The following RPS6KB2 variants were observed in gnomAD, a reference collection of about 807,000 sequenced individuals.
RPS6KB2 encodes ribosomal protein S6 kinase beta-2.
RPS6KB2 carries 51 observed loss-of-function variants against 58.2 expected under a neutral mutation model. That is an observed-to-expected ratio of 0.88 (90% CI 0.70 to 1.11). RPS6KB2 has a LOEUF of 1.11. Ranked by LOEUF, RPS6KB2 falls within the 50% of genes least tolerant of loss-of-function variation. The pLI, the probability that RPS6KB2 is intolerant of heterozygous loss-of-function variation, is 0.00. For missense variants in RPS6KB2, 671 were observed against 655.8 expected (o/e 1.02, Z -0.25); for synonymous variants, 293 against 258.6 (o/e 1.13, Z -1.28).
At chr11:67,428,676 G>A in intron 1 of RPS6KB2, 53 bp downstream of exon 1, 1 of 1,531,206 alleles carries the variant, frequency 6.5e-7, no homozygotes, top group South Asian at 1.2e-5. Context: ...CTGTCACCCA[G>A]CCGAGGCCGG....
At chr11:67,431,937 C>G (rs887601051) in intron 5 of RPS6KB2, 4 of 267,226 alleles carry the variant, frequency 1.5e-5, no homozygotes, top group Non-Finnish European at 2.9e-5. Context: ...GAGCACTTTT[C>G]TAACTGGGCT....
At position 67,433,119 on chromosome 11, in the gene RPS6KB2, A is replaced by AC; in HGVS notation, c.708-3dup. 6.2e-7 allele frequency: 1 copy of AC among 1,605,690 alleles called. No homozygotes were observed. The highest frequency in any genetic ancestry group is 8.5e-7 in the Non-Finnish European group (1 of 1,176,808). On this transcript the variant is annotated splice_polypyrimidine_tract_variant and splice_region_variant and intron_variant, in intron 8 of 14. Transcript: ENST00000312629. The stretch of plus-strand genomic sequence containing the variant: ...CGGCCTGACTGACAGTTCCACCTGG[A>AC]CCCCAGGGCCCCTGAGATTCTGGTG...
chr11:67,433,891 C>T, intron 10 of RPS6KB2, 104 bp from the exon 11 acceptor site: 1 of 1,294,156 alleles, frequency 7.7e-7, no homozygotes, highest in Non-Finnish European at 1.1e-6. Context: ...CACCCAAAAG[C>T]ATTCTCTCCC....
In RPS6KB2 at chr11:67,435,118, C is replaced by G; in HGVS notation, c.1398C>G (p.Pro466=). 6.2e-7 allele frequency: 1 copy of G among 1,604,800 alleles called. No individual in the cohort carries two copies. The highest frequency in any genetic ancestry group is 8.5e-7 in the Non-Finnish European group (1 of 1,178,250). ...CCACCGCCCCTCTCCCCATCCGTCCCCCCTCAGGGACCAAGAAGTCCAAGA... is the reference window on the plus strand; with the variant it reads ...CCACCGCCCCTCTCCCCATCCGTCCGCCCTCAGGGACCAAGAAGTCCAAGA... The part of the protein sequence containing the change: ...PSTTAPLPIR[P]PSGTKKSKRG... Residue 466 remains proline (P), a synonymous_variant, in exon 15 of 15, where the codon CCC becomes CCG. Transcript: ENST00000312629.
At chr11:67,432,534 TAA>T in intron 5 of RPS6KB2, 64 bp from the exon 6 acceptor site, 1 of 1,552,392 alleles carries the variant, frequency 6.4e-7, no homozygotes, top group Non-Finnish European at 8.9e-7. Flanking sequence ...CAAGAAGAAA[TAA>T]AGACTCAGAA....
intron 4 of RPS6KB2, 143 bp downstream of exon 4, chr11:67,429,738 T>A: frequency 1.5e-6 from 1 of 678,556 alleles, no homozygotes; most frequent in Non-Finnish European, 2.6e-6. Context: ...TTGTGATGTG[T>A]ATTGTCTTGC....
intron 14 of RPS6KB2, 68 bp from the exon 15 acceptor site, chr11:67,434,921 C>A: frequency 6.8e-7 from 1 of 1,472,022 alleles, no homozygotes; most frequent in Non-Finnish European, 9.4e-7. Context: ...GCTGCCTTCC[C>A]TGACTGAGTG....
chr11:67,429,052 G>GA (rs1471902309), intron 2 of RPS6KB2, 30 bp downstream of exon 2: 1 of 1,595,710 alleles, frequency 6.3e-7, no homozygotes, highest in African/African-American at 1.3e-5. Context: ...GGGGAGGGGG[G>GA]AATGGAGTGG....
In RPS6KB2 at chr11:67,429,023, G is replaced by C. The variant is rs1279856396; in HGVS notation, c.119+1G>C. ...CCGAGTTGAGGGCAGCTGGCCTAGA[G>C]TGAGTGAGGGTCGTGTTGGGGGAGG... On this transcript the variant is annotated splice_donor_variant, in intron 2 of 14. Transcript: ENST00000312629. LOFTEE classifies it high-confidence loss of function. The C allele has an allele frequency of 1.2e-6, 2 of 1,614,030 alleles. No homozygotes were observed. The highest frequency in any genetic ancestry group is 1.7e-6 in the Non-Finnish European group (2 of 1,180,012).
At position 67,434,431 on chromosome 11, in the gene RPS6KB2, G is replaced by C. The variant is rs55642995; in HGVS notation, c.1102G>C (p.Val368Leu). Residue 368 changes from valine (V) to leucine (L), a missense_variant, in exon 13 of 15, where the codon GTG becomes CTG. Coordinates refer to ENST00000312629, the MANE Select transcript of RPS6KB2 (RefSeq NM_003952.3). ...TACCCGCTTCACACGGCAGACGCCG[G>C]TGGACAGTCCTGATGACACAGCCCT... is the stretch of plus-strand genomic sequence containing the variant. ...FDTRFTRQTP[V>L]DSPDDTALSE... is the part of the protein sequence containing the mutation. 6.2e-7 allele frequency: 1 copy of C among 1,612,954 alleles called. No homozygotes were observed. Among genetic ancestry groups the C allele is most frequent in the African/African-American group, 1.3e-5 (1 of 74,922 alleles).
rs540659256 is a variant in RPS6KB2 at position 67,433,772 on chromosome 11, C to T, written c.907-223C>T. 1.4e-4 allele frequency among the ~76,000 whole-genome samples: 21 copies of T among 152,318 alleles called. No homozygotes were observed. In the South Asian group the frequency reaches 1.7e-3, roughly 12 times the overall value. On this transcript the variant is annotated intron_variant, in intron 10 of 14. Coordinates refer to ENST00000312629, the MANE Select transcript of RPS6KB2 (RefSeq NM_003952.3). The stretch of plus-strand genomic sequence containing the variant: ...ATGGGGAGTTGGCGCCTCACCAACG[C>T]GCCCTGGGGCAATGCCAGGGCCCAG...
chr11:67,432,714 T>C, intron 6 of RPS6KB2, 23 bp from the exon 7 acceptor site: 1 of 1,613,998 alleles, frequency 6.2e-7, no homozygotes, highest in South Asian at 1.1e-5. Flanking sequence ...TACTCCCGCC[T>C]TCACCCTGTC....
At chr11:67,434,329 C>A (rs1430454092) in intron 12 of RPS6KB2, 48 bp from the exon 13 acceptor site, 1 of 1,609,420 alleles carries the variant, frequency 6.2e-7, no homozygotes, top group Non-Finnish European at 8.5e-7. Flanking sequence ...AGTGGAGAAC[C>A]TGCATCTTGG....
chr11:67,431,288 C>G, intron 4 of RPS6KB2, 80 bp from the exon 5 acceptor site: 2 of 1,448,266 alleles, frequency 1.4e-6, no homozygotes, highest in Non-Finnish European at 1.9e-6. Context: ...CCTTGGCCTC[C>G]TAGAGTGCTG....
chr11:67,428,664 T>A (rs1304075290), intron 1 of RPS6KB2, 41 bp downstream of exon 1: 1 of 1,567,174 alleles, frequency 6.4e-7, no homozygotes. Flanking sequence ...CTGGAGCCGA[T>A]CCTGTCACCC....
At chr11:67,432,495 A>G (rs903349848) in intron 5 of RPS6KB2, 105 bp from the exon 6 acceptor site, 3 of 1,191,346 alleles carry the variant, frequency 2.5e-6, no homozygotes, top group Non-Finnish European at 3.7e-6. Context: ...TGAGGCAGGT[A>G]GGGCGGGAAT....
intron 1 of RPS6KB2, 21 bp downstream of exon 1, chr11:67,428,644 C>T (rs772735335): frequency 6.3e-7 from 1 of 1,594,494 alleles, no homozygotes; most frequent in African/African-American, 1.3e-5. Context: ...TGCCCTGGCG[C>T]GACTGGATCC....
chr11:67,432,180 G>A (rs1393541184), intron 5 of RPS6KB2: 7 of 399,568 alleles, frequency 1.8e-5, no homozygotes, highest in African/African-American at 8.3e-5. Flanking sequence ...CATTCGCTCC[G>A]TCCATCTCAG....
rs752532248 is a variant in RPS6KB2, at chr11:67,435,167, T to C, written c.1447T>C (p.Ter483GlnextTer6). The C allele has an allele frequency of 1.1e-5, 18 of 1,569,686 alleles. No homozygotes were observed. In the Admixed American group the frequency reaches 3.2e-4, roughly 28 times the overall value. The change falls in exon 15 of 15, where the codon TAG becomes CAG. Residue 483 changes from the stop codon to glutamine (Q), a stop_lost. Transcript: ENST00000312629. The part of the protein sequence containing the change: ...SKRGRGRPGR[*>Q] ...GAGGGGCCGTGGGCGTCCAGGGCGC[T>C]AGGAAGCCGGGTGGGGGTGAGGGTA...
Sources: gnomAD v4.1 joint callset for allele counts (sites outside exome capture counted in the v4.1 genomes callset) on GRCh38, gnomAD v4.1.1 for gene constraint, MANE v1.5 for transcripts, NCBI Gene and HGNC (gene_info 2026-07-23, HGNC 2026-07-21) for gene names.